Variants in HS6ST3 observed in about 807,000 individuals in gnomAD.
HS6ST3 encodes the protein heparan-sulfate 6-O-sulfotransferase 3.
A neutral mutation model predicts 36.7 loss-of-function variants in HS6ST3; 12 were observed. That is an observed-to-expected ratio of 0.33 (90% CI 0.21 to 0.53). HS6ST3 has a LOEUF of 0.53. HS6ST3 is among the 20% of genes least tolerant of loss of function. HS6ST3 has a pLI of 0.95. For missense variants in HS6ST3, 584 were observed against 640.9 expected (o/e 0.91, Z 0.96); for synonymous variants, 240 against 257.5 (o/e 0.93, Z 0.65).
intron 1 of HS6ST3, among the ~76,000 whole-genome samples, chr13:96,124,373 G>C (rs1430078187): frequency 6.6e-6 from 1 of 152,142 alleles, no homozygotes; most frequent in Non-Finnish European, 1.5e-5. Flanking sequence ...ATTTAGCCAT[G>C]CTTCTTTGGT....
chr13:96,235,795 T>A (rs910442658), intron 1 of HS6ST3, among the ~76,000 whole-genome samples: 9 of 152,128 alleles, frequency 5.9e-5, no homozygotes, highest in Non-Finnish European at 1.3e-4. Flanking sequence ...CAAACCAGAT[T>A]ATTATTTTTA....
At chr13:96,718,195 T>G (rs1215333107) in intron 1 of HS6ST3, among the ~76,000 whole-genome samples, 1 of 152,184 alleles carries the variant, frequency 6.6e-6, no homozygotes, top group Admixed American at 6.5e-5. Flanking sequence ...CATCTGTGAA[T>G]TAATTTTGTT....
intron 1 of HS6ST3, among the ~76,000 whole-genome samples, chr13:96,172,782 G>C (rs901832175): frequency 2.0e-5 from 3 of 152,144 alleles, no homozygotes; most frequent in Non-Finnish European, 4.4e-5. Flanking sequence ...ACCTCTAAAG[G>C]TGTTGCTTAC....
At chr13:96,584,568 C>T (rs1408006966) in intron 1 of HS6ST3, among the ~76,000 whole-genome samples, 1 of 152,210 alleles carries the variant, frequency 6.6e-6, no homozygotes, top group African/African-American at 2.4e-5. Flanking sequence ...GCTCAATAAA[C>T]ATTTATTGAA....
intron 1 of HS6ST3, among the ~76,000 whole-genome samples, chr13:96,710,267 T>G (rs1004208261): frequency 3.9e-5 from 6 of 152,174 alleles, no homozygotes; most frequent in African/African-American, 1.4e-4. Flanking sequence ...AAAATAAATT[T>G]AGAAATGAAA....
At chr13:96,583,453 C>T (rs1011621535) in intron 1 of HS6ST3, among the ~76,000 whole-genome samples, 3 of 151,718 alleles carry the variant, frequency 2.0e-5, no homozygotes. Context: ...ACCTCATGAT[C>T]CGCCCACCTC....
At position 96,585,974 on chromosome 13, in the gene HS6ST3, G is replaced by A. The variant is rs115499982; in HGVS notation, c.708-246516G>A. On this transcript the variant is annotated intron_variant, in intron 1 of 1. Coordinates refer to ENST00000376705, the MANE Select transcript of HS6ST3 (RefSeq NM_153456.4). ...AAGTAGTGGGATTCCTGAATCATAT[G>A]GTAATTCCATTAAGTTTTTTTCATA... Among the ~76,000 whole-genome samples, 1,017 of 152,056 alleles carry A rather than the reference G, an allele frequency of 6.7e-3. 14 individuals carry two copies. Among genetic ancestry groups the A allele is most frequent in the African/African-American group, 0.024 (977 of 41,474 alleles).
intron 1 of HS6ST3, among the ~76,000 whole-genome samples, chr13:96,747,068 T>C (rs1876580793): frequency 6.6e-6 from 1 of 152,130 alleles, no homozygotes; most frequent in Admixed American, 6.6e-5. Context: ...TGATTCTACA[T>C]TGGAAAGTCT....
At chr13:96,815,422 G>A (rs575848996) in intron 1 of HS6ST3, among the ~76,000 whole-genome samples, 1 of 152,142 alleles carries the variant, frequency 6.6e-6, no homozygotes, top group East Asian at 1.9e-4. Flanking sequence ...CAGGTATGGG[G>A]CAGTGGGGTG....
chr13:96,410,901 G>A (rs1002887197), intron 1 of HS6ST3, among the ~76,000 whole-genome samples: 29 of 152,264 alleles, frequency 1.9e-4, no homozygotes, highest in African/African-American at 6.3e-4. Flanking sequence ...TGATAAAATA[G>A]AAATCTTTAA....
chr13:96,769,108 G>T (rs77129752), intron 1 of HS6ST3, among the ~76,000 whole-genome samples: 2 of 151,892 alleles, frequency 1.3e-5, no homozygotes, highest in Non-Finnish European at 2.9e-5. Flanking sequence ...GTGCACGCAC[G>T]TGCCCCACCT....
chr13:96,751,405 T>C (rs963381954), intron 1 of HS6ST3, among the ~76,000 whole-genome samples: 2 of 152,052 alleles, frequency 1.3e-5, no homozygotes, highest in African/African-American at 4.8e-5. Flanking sequence ...CCAGGAATCC[T>C]GAGAGCCACC....
chr13:96,643,667 C>T (rs536928387), intron 1 of HS6ST3, among the ~76,000 whole-genome samples: 2 of 151,808 alleles, frequency 1.3e-5, no homozygotes, highest in East Asian at 3.9e-4. Flanking sequence ...CTTCAAGTAC[C>T]AACAGCCCTG....
intron 1 of HS6ST3, among the ~76,000 whole-genome samples, chr13:96,492,481 C>T (rs554599722): frequency 5.9e-5 from 9 of 152,340 alleles, no homozygotes; most frequent in African/African-American, 1.4e-4. Context: ...TTTCAAGTCC[C>T]CCTTAGTAAT....
chr13:96,116,756 A>C (rs979444560), intron 1 of HS6ST3, among the ~76,000 whole-genome samples: 19 of 152,294 alleles, frequency 1.2e-4, no homozygotes, highest in Admixed American at 1.2e-3. Flanking sequence ...ATTGTTGATG[A>C]GAGAGGAGGA....
At chr13:96,459,236 G>A (rs2055770367) in intron 1 of HS6ST3, among the ~76,000 whole-genome samples, 1 of 150,714 alleles carries the variant, frequency 6.6e-6, no homozygotes, top group Admixed American at 6.6e-5. Flanking sequence ...ATACTTATTT[G>A]ATGTTTACTA....
chr13:96,657,536 G>A (rs983961890), intron 1 of HS6ST3, among the ~76,000 whole-genome samples: 1 of 152,088 alleles, frequency 6.6e-6, no homozygotes, highest in Non-Finnish European at 1.5e-5. Context: ...AAACAAATAA[G>A]CAGTTTAAGA....
intron 1 of HS6ST3, among the ~76,000 whole-genome samples, chr13:96,449,290 C>T (rs950513930): frequency 2.6e-5 from 4 of 152,120 alleles, no homozygotes; most frequent in Admixed American, 1.3e-4. Flanking sequence ...AATGACCATG[C>T]TTACTATGAA....
intron 1 of HS6ST3, among the ~76,000 whole-genome samples, chr13:96,091,921 C>A (rs1392859110): frequency 6.6e-6 from 1 of 152,112 alleles, no homozygotes; most frequent in Non-Finnish European, 1.5e-5. Context: ...CTGGGTTAGA[C>A]CAGCCTTGTA....
Sources: allele counts gnomAD v4.1 joint callset (sites outside exome capture counted in the v4.1 genomes callset), GRCh38; gene constraint gnomAD v4.1.1; transcripts MANE v1.5; gene names NCBI Gene and HGNC (gene_info 2026-07-23, HGNC 2026-07-21).